ZNF235: variants seen among roughly 807,000 people sequenced by gnomAD.
The protein encoded by ZNF235 is zfp-93.
A neutral mutation model predicts 29.4 loss-of-function variants in ZNF235; 25 were observed. That is an observed-to-expected ratio of 0.85 (90% CI 0.62 to 1.19). The LOEUF (loss-of-function observed/expected upper bound fraction) is 1.19, where lower values mean the gene tolerates loss of function less well. ZNF235 is among the 50% of genes most tolerant of loss of function. The pLI is 0.00. For synonymous variants in ZNF235, 300 were observed against 295.3 expected (o/e 1.02, Z -0.16); for missense variants, 788 against 885.0 (o/e 0.89, Z 1.39).
At chr19:44,303,556 C>T in intron 1 of ZNF235, 104 bp from the exon 2 acceptor site, 1 of 971,870 alleles carries the variant, frequency 1.0e-6, no homozygotes, top group South Asian at 1.6e-5. Context: ...TCTAGGCAGA[C>T]ACAGTTGCAC....
rs1288073010 is a variant in ZNF235 at position 44,302,938 on chromosome 19, A to ACG, written c.15+451_15+452insCG. On this transcript the variant is annotated intron_variant, in intron 2 of 4. Transcript: ENST00000291182. The stretch of plus-strand genomic sequence containing the variant: ...CGTATATATTTGTATGTATTTATAT[A>ACG]TACATATTTGTATATATAAATATAT... 3.0e-3 allele frequency among the ~76,000 whole-genome samples: 326 copies of ACG among 107,986 alleles called. 1 individual carries two copies. The highest frequency in any genetic ancestry group is 9.8e-3 in the African/African-American group (301 of 30,698). 70.8% of individuals were successfully genotyped at this position (107,986 alleles called of 152,430 possible).
chr19:44,303,006 A>AT (rs1568647747), intron 2 of ZNF235, among the ~76,000 whole-genome samples: 1 of 137,164 alleles, frequency 7.3e-6, no homozygotes, highest in African/African-American at 2.8e-5. Flanking sequence ...ATACATATAT[A>AT]CGTATATATT....
At chr19:44,303,561 T>A (rs2123110409) in intron 1 of ZNF235, 109 bp from the exon 2 acceptor site, 1 of 953,890 alleles carries the variant, frequency 1.0e-6, no homozygotes, top group East Asian at 2.9e-5. Flanking sequence ...GCAGACACAG[T>A]TGCACACGGC....
chr19:44,302,992 A>AATATATTTC (rs1975769780), intron 2 of ZNF235, among the ~76,000 whole-genome samples: 1 of 129,604 alleles, frequency 7.7e-6, no homozygotes. Flanking sequence ...TTATATATAA[A>AATATATTTC]TATATACATA....
rs2123087307 is a variant in ZNF235 at position 44,287,166 on chromosome 19, A to G, written c.*52T>C. 1 of 1,509,578 alleles carries G rather than the reference A, an allele frequency of 6.6e-7. No individual in the cohort carries two copies. Among genetic ancestry groups the G allele is most frequent in the East Asian group, 2.3e-5 (1 of 43,958 alleles). 93.5% of individuals were successfully genotyped at this position (1,509,578 alleles called of 1,614,324 possible). On this transcript the variant is annotated 3_prime_UTR_variant, in exon 5 of 5. Transcript: ENST00000291182. ...CACAATCATCAGCATGGACTTCCCA[A>G]CGGAGACAAAGATGTGAGCTCTAAC...
At position 44,288,336 on chromosome 19, in the gene ZNF235, G is replaced by A. The variant is rs1276113588; in HGVS notation, c.1099C>T (p.Pro367Ser). The change falls in exon 5 of 5, where the codon CCT (proline) becomes TCT (serine). Residue 367 changes from proline (P) to serine (S), a missense_variant. Transcript: ENST00000291182. ...NQSSHLYAHLPIHTGEKPYRC... is the reference protein window; with the variant it reads ...NQSSHLYAHLSIHTGEKPYRC... Reference sequence around the variant, plus strand: ...TAGGGCTTCTCTCCTGTGTGAATAGGCAAATGAGCATAAAGATGTGAGCTC... The same window carrying A: ...TAGGGCTTCTCTCCTGTGTGAATAGACAAATGAGCATAAAGATGTGAGCTC... 1.2e-6 allele frequency: 2 copies of A among 1,613,722 alleles called. No individual in the cohort carries two copies. Among genetic ancestry groups the A allele is most frequent in the Admixed American group, 3.3e-5 (2 of 59,958 alleles).
At position 44,287,783 on chromosome 19, in the gene ZNF235, C is replaced by A. The variant is rs538013644; in HGVS notation, c.1652G>T (p.Arg551Leu). The A allele has an allele frequency of 6.2e-7, 1 of 1,613,906 alleles. No homozygotes were observed. The highest frequency in any genetic ancestry group is 1.1e-5 in the South Asian group (1 of 91,062). Reference protein sequence around the residue: ...KPYKCEVCGKRFNWSLNLHNH... With the variant: ...KPYKCEVCGKLFNWSLNLHNH... ...GTGAAGATTCAAGCTCCAATTGAAGCGCTTCCCACACACTTCACATTTGTA... is the reference window on the plus strand; with the variant it reads ...GTGAAGATTCAAGCTCCAATTGAAGAGCTTCCCACACACTTCACATTTGTA... Residue 551 changes from arginine to leucine, a missense_variant, in exon 5 of 5, where the codon CGC (arginine) becomes CTC (leucine). By Grantham distance (102) the Arg-to-Leu change is moderately radical (BLOSUM62 -2). Transcript: ENST00000291182.
chr19:44,303,063 GTA>G lies in ZNF235; in HGVS notation c.15+325_15+326del, dbSNP rs1232948133. 6.3e-5 allele frequency among the ~76,000 whole-genome samples: 8 copies of G among 126,650 alleles called. No individual in the cohort carries two copies. In the East Asian group the frequency reaches 8.7e-4, roughly 14 times the overall value. The allele number at this position is 126,650 out of a possible 152,430, so 83.1% of individuals were successfully genotyped here. A position where few individuals can be genotyped will look rare whatever the true frequency, so the allele number is the denominator to read the frequency against. On this transcript the variant is annotated intron_variant, in intron 2 of 4. Coordinates refer to ENST00000291182, the MANE Select transcript of ZNF235 (RefSeq NM_004234.4). Reference sequence around the variant, plus strand: ...TTGTATACATTTATATAAAATATACGTATATATTTGTATATATAATACATATA... The same window carrying G: ...TTGTATACATTTATATAAAATATACGTATATTTGTATATATAATACATATA...
chr19:44,301,916 T>C (rs1037111980), intron 2 of ZNF235, among the ~76,000 whole-genome samples: 7 of 152,230 alleles, frequency 4.6e-5, no homozygotes, highest in Admixed American at 4.6e-4. Flanking sequence ...CTCACAAAGC[T>C]GTTCCATGGT....
chr19:44,295,564 T>C (rs1364740197), intron 4 of ZNF235, among the ~76,000 whole-genome samples: 4 of 152,114 alleles, frequency 2.6e-5, no homozygotes, highest in Admixed American at 1.3e-4. Context: ...AATACTAATG[T>C]CATTTTTTGC....
At chr19:44,298,967 C>G in intron 3 of ZNF235, 64 bp from the exon 4 acceptor site, 1 of 1,249,828 alleles carries the variant, frequency 8.0e-7, no homozygotes, top group Non-Finnish European at 1.2e-6. Context: ...AATCTGGTTC[C>G]AATCACATGA....
rs771478267 is a variant in ZNF235, at chr19:44,288,559, C to A, written c.876G>T (p.Ala292=). ...KQVHLGKKSP[A]CSTHEKDTSY... ...TGGTGTCCTTCTCATGTGTACTACA[C>A]GCTGGAGACTTCTTTCCCAAGTGTA... The change falls in exon 5 of 5, where the codon GCG becomes GCT. Residue 292 remains alanine, a synonymous_variant. Transcript: ENST00000291182. 1.9e-6 allele frequency: 3 copies of A among 1,614,090 alleles called. No individual in the cohort carries two copies.
chr19:44,298,935 T>G (rs1286463098), intron 3 of ZNF235, 32 bp from the exon 4 acceptor site: 1 of 1,556,404 alleles, frequency 6.4e-7, no homozygotes. Flanking sequence ...GTGAAAATGT[T>G]AAAGGCAAAG....
Position 44,288,450 on chromosome 19 carries a change from T to C in ZNF235, c.985A>G (p.Ser329Gly), listed in dbSNP as rs1568643061. The change falls in exon 5 of 5, where the codon AGT becomes GGT. Residue 329 changes from serine to glycine, a missense_variant. By Grantham distance (56) the Ser-to-Gly change is moderately conservative. Transcript: ENST00000291182. Reference protein sequence around the residue: ...YWCHECGKGFSQSSNLQTHQR... With the variant: ...YWCHECGKGFGQSSNLQTHQR... ...TGAGTTTGCAGATTTGAGCTCTGAC[T>C]GAAACCTTTACCACATTCATGACAC... The C allele has an allele frequency of 6.2e-7, 1 of 1,614,248 alleles. No individual in the cohort carries two copies. The highest frequency in any genetic ancestry group is 8.5e-7 in the Non-Finnish European group (1 of 1,180,040).
intron 4 of ZNF235, among the ~76,000 whole-genome samples, chr19:44,293,822 G>A (rs1975616614): frequency 6.6e-6 from 1 of 151,734 alleles, no homozygotes; most frequent in East Asian, 1.9e-4. Context: ...AACAATCTTT[G>A]GGTTAATGAC....
In ZNF235 at chr19:44,287,911, G is replaced by C. The variant is rs1346457517; in HGVS notation, c.1524C>G (p.Val508=). 6.2e-7 allele frequency: 1 copy of C among 1,613,150 alleles called. No individual in the cohort carries two copies. Among genetic ancestry groups the C allele is most frequent in the Non-Finnish European group, 8.5e-7 (1 of 1,179,792 alleles). ...SASSFQSHQR[V]HTGEKPFRCN... is the part of the protein sequence containing the mutation. ...ATCGAAATGGTTTCTCTCCTGTATG[G>C]ACCCTCTGATGGCTCTGGAAACTTG... Residue 508 remains valine (V), a synonymous_variant, in exon 5 of 5, where the codon GTC becomes GTG. Coordinates refer to ENST00000291182, the MANE Select transcript of ZNF235 (RefSeq NM_004234.4).
intron 4 of ZNF235, chr19:44,290,128 C>G (rs1450454929): frequency 1.3e-5 from 2 of 152,370 alleles, no homozygotes; most frequent in East Asian, 3.9e-4. Context: ...CACCAGGCTT[C>G]CTTCCAACCA....
At chr19:44,296,098 G>A (rs961790837) in intron 4 of ZNF235, among the ~76,000 whole-genome samples, 2 of 152,122 alleles carry the variant, frequency 1.3e-5, no homozygotes, top group African/African-American at 4.8e-5. Flanking sequence ...ATAACACGAA[G>A]TATAAATAAA....
Position 44,287,749 on chromosome 19 carries a change from CTGA to C in ZNF235, c.1683_1685del (p.His561del). The C allele has an allele frequency of 6.2e-7, 1 of 1,613,754 alleles. No individual in the cohort carries two copies. Among genetic ancestry groups the C allele is most frequent in the Non-Finnish European group, 8.5e-7 (1 of 1,179,926 alleles). ...AGGGTTTCTCTCCGGTGTGGACTCT[CTGA>C]TGATTGTGAAGATTCAAGCTCCAAT... On this transcript the variant is annotated inframe_deletion, in exon 5 of 5. Transcript: ENST00000291182.
Sources: gnomAD v4.1 joint callset for allele counts (sites outside exome capture counted in the v4.1 genomes callset) on GRCh38, gnomAD v4.1.1 for gene constraint, MANE v1.5 for transcripts, NCBI Gene and HGNC (gene_info 2026-07-23, HGNC 2026-07-21) for gene names.